The following DPP3 variants were observed in gnomAD, a reference collection of about 807,000 sequenced individuals.
The protein encoded by DPP3 is dipeptidyl peptidase 3.
DPP3 carries 64 observed loss-of-function variants against 89.8 expected under a neutral mutation model. The ratio of observed to expected loss-of-function variants is 0.71; its 90% CI spans 0.58 to 0.88. The LOEUF (loss-of-function observed/expected upper bound fraction) is 0.88. DPP3 is among the 40% of genes least tolerant of loss of function. The probability of loss-of-function intolerance (pLI) is 0.00; values close to 1 mark genes in which losing one functional copy is unlikely to be tolerated. For synonymous variants in DPP3, 377 were observed against 404.3 expected (o/e 0.93, Z 0.81); for missense variants, 835 against 972.5 (o/e 0.86, Z 1.88).
intron 2 of DPP3, among the ~76,000 whole-genome samples, chr11:66,483,980 C>CT (rs148812168): frequency 0.23 from 33,111 of 146,406 alleles, 3,872 homozygotes; most frequent in East Asian, 0.26. Context: ...CAGGGAAATT[C>CT]TTTTTTTTTT....
chr11:66,488,102 G>C, intron 6 of DPP3, 95 bp downstream of exon 6: 2 of 1,064,544 alleles, frequency 1.9e-6, no homozygotes, highest in Admixed American at 2.6e-5. Context: ...CCTTCAGAAA[G>C]AGCATCCTTC....
intron 5 of DPP3, 25 bp from the exon 6 acceptor site, chr11:66,487,889 T>C: frequency 6.2e-7 from 1 of 1,610,364 alleles, no homozygotes; most frequent in Non-Finnish European, 8.5e-7. Context: ...ACTTCACTCT[T>C]AACCCCTGTC....
Position 66,492,763 on chromosome 11 carries a change from C to T in DPP3, c.1036C>T (p.Leu346=). The change falls in exon 10 of 18, where the codon CTG becomes TTG. Residue 346 remains leucine (L), a synonymous_variant. Coordinates refer to ENST00000531863, the MANE Select transcript of DPP3 (RefSeq NM_130443.4). The stretch of plus-strand genomic sequence containing the variant: ...GGCCATGAGTGCCAAGTTTGAGCGG[C>T]TGGTGGCGAGCGCAGAGCAGCTGCT... ...NKAMSAKFER[L]VASAEQLLKE... is the part of the protein sequence containing the mutation. 1 of 1,612,646 alleles carries T rather than the reference C, an allele frequency of 6.2e-7. No homozygotes were observed. Among genetic ancestry groups the T allele is most frequent in the Non-Finnish European group, 8.5e-7 (1 of 1,179,364 alleles).
rs201336659 is a variant in DPP3 at position 66,486,697 on chromosome 11, C to G, written c.498+20C>G. On this transcript the variant is annotated intron_variant, in intron 4 of 17. Coordinates refer to ENST00000531863, the MANE Select transcript of DPP3 (RefSeq NM_130443.4). ...AAGGAGGTGAGGCCCCTGACTCCCC[C>G]GAGGGGACAGGGAGTGGAGGGAATC... The G allele has an allele frequency of 1.5e-4, 222 of 1,488,576 alleles. 1 individual carries two copies. The African/African-American group carries it at 2.6e-3, about 18-fold the overall frequency. 92.2% of individuals were successfully genotyped at this position (1,488,576 alleles called of 1,614,324 possible). A position where few individuals can be genotyped will look rare whatever the true frequency, so the allele number is the denominator to read the frequency against.
At chr11:66,493,345 T>C (rs1472650676) in intron 11 of DPP3, among the ~76,000 whole-genome samples, 166 bp downstream of exon 11, 1 of 152,196 alleles carries the variant, frequency 6.6e-6, no homozygotes, top group Non-Finnish European at 1.5e-5. Flanking sequence ...AGTTTCCTCT[T>C]GGGTCACACT....
At position 66,495,692 on chromosome 11, in the gene DPP3, T is replaced by A. The variant is rs776039445; in HGVS notation, c.1640T>A (p.Val547Asp). The A allele has an allele frequency of 1.2e-6, 2 of 1,613,954 alleles. No individual in the cohort carries two copies. The highest frequency in any genetic ancestry group is 2.2e-5 in the South Asian group (2 of 91,080). The change falls in exon 15 of 18, where the codon GTT becomes GAT. Residue 547 changes from valine to aspartate, a missense_variant. Coordinates refer to ENST00000531863, the MANE Select transcript of DPP3 (RefSeq NM_130443.4). ...ATCTACGTGAACTGGCTCAACATGG[T>A]TCGGGCCGGGCTGCTCGCTCTGGAG... Reference protein sequence around the residue: ...DVIYVNWLNMVRAGLLALEFY... With the variant: ...DVIYVNWLNMDRAGLLALEFY...
chr11:66,493,716 C>T (rs998276778), intron 12 of DPP3, 83 bp downstream of exon 12: 1 of 1,399,716 alleles, frequency 7.1e-7, no homozygotes, highest in Non-Finnish European at 9.7e-7. Context: ...TGAAGCTGCT[C>T]CAGCCTCTGC....
chr11:66,483,478 G>A (rs1242226004), intron 2 of DPP3, among the ~76,000 whole-genome samples: 1 of 152,068 alleles, frequency 6.6e-6, no homozygotes, highest in Non-Finnish European at 1.5e-5. Context: ...GCCATGTCTT[G>A]AAGAACTTGG....
Position 66,509,332 on chromosome 11 carries a change from G to A in DPP3, c.*81G>A. On this transcript the variant is annotated 3_prime_UTR_variant, in exon 18 of 18. Transcript: ENST00000531863. ...CCATTCGTGTGTGTATTTAGGGGCT[G>A]GGGAGGGGGAGGGGCAGGAGCTTGG... 1 of 1,549,054 alleles carries A rather than the reference G, an allele frequency of 6.5e-7. No individual in the cohort carries two copies. The highest frequency in any genetic ancestry group is 8.7e-7 in the Non-Finnish European group (1 of 1,147,174).
rs1462583233 is a variant in DPP3 at position 66,493,542 on chromosome 11, A to G, written c.1298A>G (p.Asp433Gly). 6.2e-7 allele frequency: 1 copy of G among 1,612,556 alleles called. No homozygotes were observed. The highest frequency in any genetic ancestry group is 8.5e-7 in the Non-Finnish European group (1 of 1,179,822). The change falls in exon 12 of 18, where the codon GAC (aspartate) becomes GGC (glycine). Residue 433 changes from aspartate to glycine, a missense_variant and splice_region_variant. By Grantham distance (94) the Asp-to-Gly change is moderately conservative. Coordinates refer to ENST00000531863, the MANE Select transcript of DPP3 (RefSeq NM_130443.4). ...GCGGGTCTCTGCTTGTCTTGGCAGG[A>G]CCTGTACATCCTCTGGAAGGGGCCC... ...KLTFLEEDDK[D>G]LYILWKGPSF...
In DPP3 at chr11:66,493,646, T is replaced by A; in HGVS notation, c.1389+13T>A. The A allele has an allele frequency of 6.3e-7, 1 of 1,597,544 alleles. No individual in the cohort carries two copies. The highest frequency in any genetic ancestry group is 8.5e-7 in the Non-Finnish European group (1 of 1,173,348). Reference sequence around the variant, plus strand: ...GCTCTTCGTACAGGTGAGAAGGCAGTGGCCAGCCCTGGCACCCCAGCCTAC... The same window carrying A: ...GCTCTTCGTACAGGTGAGAAGGCAGAGGCCAGCCCTGGCACCCCAGCCTAC... On this transcript the variant is annotated intron_variant, in intron 12 of 17. Transcript: ENST00000531863.
intron 16 of DPP3, among the ~76,000 whole-genome samples, chr11:66,503,884 C>CA (rs58851401): frequency 0.023 from 3,158 of 140,240 alleles, 92 homozygotes; most frequent in African/African-American, 0.074. Flanking sequence ...GACTCTGTCT[C>CA]AAAAAAAAAA....
intron 16 of DPP3, among the ~76,000 whole-genome samples, chr11:66,500,174 T>C (rs1380241884): frequency 6.6e-6 from 1 of 152,030 alleles, no homozygotes; most frequent in South Asian, 2.1e-4. Context: ...GCCAACATGG[T>C]GAAACCTGTC....
chr11:66,500,667 G>A (rs1464075886), intron 16 of DPP3, among the ~76,000 whole-genome samples: 1 of 152,222 alleles, frequency 6.6e-6, no homozygotes, highest in African/African-American at 2.4e-5. Flanking sequence ...ATCTCTTAAA[G>A]TTGAGCACTC....
chr11:66,483,125 C>G (rs1445587555), intron 2 of DPP3: 1 of 151,680 alleles, frequency 6.6e-6, no homozygotes, highest in Non-Finnish European at 1.5e-5. Context: ...CTCCCAGGTT[C>G]AAGCACTTCT....
chr11:66,502,595 G>A (rs776391202), intron 16 of DPP3, among the ~76,000 whole-genome samples: 4 of 151,982 alleles, frequency 2.6e-5, no homozygotes, highest in Admixed American at 6.6e-5. Context: ...TCAGCCTCCC[G>A]AGTAGCTGGG....
rs200532781 is a variant in DPP3, at chr11:66,482,410, G to A, written c.210G>A (p.Gln70=). The A allele has an allele frequency of 5.6e-5, 90 of 1,610,148 alleles. 1 individual carries two copies. In the South Asian group the frequency reaches 9.0e-4, roughly 16 times the overall value. ...TGCTCAGCCGCCTCTTCCGCGCCCA[G>A]GACCCCGACCAGCTGCGCCAACATG... ...YALLSRLFRA[Q]DPDQLRQHAL... Residue 70 remains glutamine (Q), a synonymous_variant, in exon 2 of 18, where the codon CAG becomes CAA. Coordinates refer to ENST00000531863, the MANE Select transcript of DPP3 (RefSeq NM_130443.4).
Position 66,485,259 on chromosome 11 carries a change from C to G in DPP3, c.357C>G (p.Pro119=). ...ACACCAAGTTTGTTCCCAACTTGCC[C>G]AAGGTGAGCCAAGGGAGGGTTGGGG... ...FGDTKFVPNL[P]KEKLERVILG... is the part of the protein sequence containing the mutation. Residue 119 remains proline (P), a synonymous_variant, in exon 3 of 18, where the codon CCC becomes CCG. Transcript: ENST00000531863. The G allele has an allele frequency of 6.2e-7, 1 of 1,609,802 alleles. No individual in the cohort carries two copies. Among genetic ancestry groups the G allele is most frequent in the Non-Finnish European group, 8.5e-7 (1 of 1,177,334 alleles).
intron 17 of DPP3, among the ~76,000 whole-genome samples, chr11:66,508,109 T>A (rs1049352532): frequency 2.6e-5 from 4 of 152,322 alleles, no homozygotes; most frequent in African/African-American, 9.6e-5. Flanking sequence ...AGCTGTTGGG[T>A]GGCAGAGCCA....
Sources: gnomAD v4.1 joint callset for allele counts (sites outside exome capture counted in the v4.1 genomes callset) on GRCh38, gnomAD v4.1.1 for gene constraint, MANE v1.5 for transcripts, NCBI Gene and HGNC (gene_info 2026-07-23, HGNC 2026-07-21) for gene names.